The following KLHL3 variants were observed in gnomAD, a reference collection of about 807,000 sequenced individuals.
KLHL3 encodes the protein kelch like family member 3, also known as kelch-like protein 3.
KLHL3 carries 19 observed loss-of-function variants against 70.5 expected under a neutral mutation model. That is an observed-to-expected ratio of 0.27 (90% CI 0.19 to 0.40). The LOEUF is 0.40. Ranked by LOEUF, KLHL3 falls within the 10% of genes least tolerant of loss-of-function variation. KLHL3 has a pLI of 1.00. For synonymous variants in KLHL3, 258 were observed against 290.3 expected (o/e 0.89, Z 1.13); for missense variants, 512 against 771.1 (o/e 0.66, Z 3.98).
chr5:137,623,511 A>C (rs1232680879), intron 14 of KLHL3, among the ~76,000 whole-genome samples: 1 of 152,180 alleles, frequency 6.6e-6, no homozygotes, highest in Non-Finnish European at 1.5e-5. Context: ...TTTTTCTTGA[A>C]AGCAGGCTCC....
intron 3 of KLHL3, among the ~76,000 whole-genome samples, chr5:137,704,887 CA>C (rs1752655238): frequency 1.3e-5 from 2 of 152,172 alleles, no homozygotes; most frequent in South Asian, 4.1e-4. Context: ...ATGATAGGGA[CA>C]GGAAGAAGAA....
chr5:137,645,650 T>C (rs1751025315), intron 8 of KLHL3, among the ~76,000 whole-genome samples: 1 of 151,844 alleles, frequency 6.6e-6, no homozygotes, highest in Non-Finnish European at 1.5e-5. Flanking sequence ...ACGAAAGAAA[T>C]TGAAGAGGAC....
At chr5:137,698,886 A>G (rs1469257520) in intron 3 of KLHL3, among the ~76,000 whole-genome samples, 4 of 152,248 alleles carry the variant, frequency 2.6e-5, no homozygotes, top group African/African-American at 9.6e-5. Flanking sequence ...AGAGCTAACT[A>G]TGGCCACACA....
intron 4 of KLHL3, among the ~76,000 whole-genome samples, chr5:137,695,244 CCT>C (rs1347050167): frequency 6.6e-6 from 1 of 152,202 alleles, no homozygotes; most frequent in African/African-American, 2.4e-5. Context: ...TTTCAACTTC[CCT>C]ACTGTTCACA....
chr5:137,627,204 TG>T (rs1399769660), intron 13 of KLHL3, among the ~76,000 whole-genome samples: 2 of 152,198 alleles, frequency 1.3e-5, no homozygotes, highest in South Asian at 2.1e-4. Context: ...AGTTTAGTGT[TG>T]TAATAAGACG....
At chr5:137,650,672 C>T (rs761487909) in intron 8 of KLHL3, among the ~76,000 whole-genome samples, 4 of 151,652 alleles carry the variant, frequency 2.6e-5, no homozygotes, top group Non-Finnish European at 5.9e-5. Context: ...ATACAAAAAA[C>T]GTAGCCGGGC....
At chr5:137,715,566 C>A (rs768761376) in intron 2 of KLHL3, among the ~76,000 whole-genome samples, 7 of 152,140 alleles carry the variant, frequency 4.6e-5, no homozygotes, top group East Asian at 3.8e-4. Context: ...CAATAACATG[C>A]GAATACAAGC....
intron 6 of KLHL3, among the ~76,000 whole-genome samples, 189 bp from the exon 7 acceptor site, chr5:137,662,220 G>C (rs1408296671): frequency 6.8e-6 from 1 of 148,138 alleles, no homozygotes; most frequent in East Asian, 2.0e-4. Context: ...TGGCCTCAGA[G>C]AGTGATCACA....
At chr5:137,634,523 T>C (rs531372814) in intron 11 of KLHL3, among the ~76,000 whole-genome samples, 1 of 152,334 alleles carries the variant, frequency 6.6e-6, no homozygotes, top group Non-Finnish European at 1.5e-5. Context: ...ACCAGATAGA[T>C]GGAAAGCTAG....
chr5:137,679,850 C>T (rs1016052899), intron 5 of KLHL3, among the ~76,000 whole-genome samples: 22 of 152,342 alleles, frequency 1.4e-4, no homozygotes, highest in Middle Eastern at 6.8e-3. Context: ...AGAGAAATAG[C>T]AGGCAGCAGC....
chr5:137,706,157 C>CA, intron 3 of KLHL3: 10 of 985,126 alleles, frequency 1.0e-5, no homozygotes, highest in Non-Finnish European at 1.2e-5. Context: ...ACTCGGAAGA[C>CA]AAAAAAATAA....
At chr5:137,680,009 G>A (rs1056129850) in intron 5 of KLHL3, among the ~76,000 whole-genome samples, 2 of 152,298 alleles carry the variant, frequency 1.3e-5, no homozygotes, top group Admixed American at 1.3e-4. Context: ...TTGAACTAGG[G>A]TCCCCTCTCT....
intron 13 of KLHL3, among the ~76,000 whole-genome samples, chr5:137,627,779 GA>G (rs929647826): frequency 4.6e-5 from 7 of 152,142 alleles, no homozygotes; most frequent in African/African-American, 1.7e-4. Context: ...AGACAAGAAG[GA>G]AAGCAAAGAC....
intron 3 of KLHL3, among the ~76,000 whole-genome samples, chr5:137,701,578 A>G (rs550553539): frequency 1.3e-5 from 2 of 152,322 alleles, no homozygotes; most frequent in Non-Finnish European, 1.5e-5. Flanking sequence ...TATCCTCAAC[A>G]CGTAACAAAG....
chr5:137,665,532 T>C (rs975255991), intron 6 of KLHL3, among the ~76,000 whole-genome samples: 7 of 152,204 alleles, frequency 4.6e-5, no homozygotes, highest in Non-Finnish European at 1.0e-4. Context: ...AAAATGTTAA[T>C]GGTGAGTTTA....
At chr5:137,628,776 G>A (rs938226978) in intron 12 of KLHL3, 4 of 166,890 alleles carry the variant, frequency 2.4e-5, no homozygotes, top group African/African-American at 5.0e-5. Flanking sequence ...CATACATACG[G>A]GAGAGGATGT....
chr5:137,735,802 C>G lies in KLHL3; in HGVS notation c.-156G>C. Reference sequence around the variant, plus strand: ...TGAAGCCTCCTCCCTTCTCAATCCTCCTTCCTCTGACTTACTCGCAGCAGC... The same window carrying G: ...TGAAGCCTCCTCCCTTCTCAATCCTGCTTCCTCTGACTTACTCGCAGCAGC... On this transcript the variant is annotated 5_prime_UTR_variant, in exon 1 of 15. Coordinates refer to ENST00000309755, the MANE Select transcript of KLHL3 (RefSeq NM_017415.3). The G allele has an allele frequency of 1.0e-6, 1 of 980,200 alleles. No homozygotes were observed. Among genetic ancestry groups the G allele is most frequent in the South Asian group, 1.4e-5 (1 of 73,914 alleles). The allele number at this position is 980,200 out of a possible 1,614,324, so 60.7% of individuals were successfully genotyped here.
intron 6 of KLHL3, among the ~76,000 whole-genome samples, chr5:137,663,097 G>A (rs1346653646): frequency 5.9e-5 from 7 of 119,564 alleles, no homozygotes; most frequent in South Asian, 2.6e-4. Flanking sequence ...TTACTCTGTC[G>A]CATAGGCTGG....
chr5:137,664,228 T>C (rs542834846), intron 6 of KLHL3, among the ~76,000 whole-genome samples: 13 of 151,730 alleles, frequency 8.6e-5, no homozygotes, highest in Non-Finnish European at 1.6e-4. Flanking sequence ...TGCATGCCTA[T>C]AGTCCCAGCT....
Sources: gnomAD v4.1 joint callset for allele counts (sites outside exome capture counted in the v4.1 genomes callset) on GRCh38, gnomAD v4.1.1 for gene constraint, MANE v1.5 for transcripts, NCBI Gene and HGNC (gene_info 2026-07-23, HGNC 2026-07-21) for gene names.